Variants in SYN3 observed in about 807,000 individuals in gnomAD.
The protein encoded by SYN3 is synapsin-3.
In SYN3, 35 loss-of-function variants were observed where a neutral mutation model predicts 65.8. The ratio of observed to expected loss-of-function variants is 0.53; its 90% CI spans 0.41 to 0.70. The LOEUF is 0.70. Ranked by LOEUF, SYN3 falls within the 30% of genes least tolerant of loss-of-function variation. SYN3 has a pLI of 0.00. For synonymous variants in SYN3, 270 were observed against 292.9 expected (o/e 0.92, Z 0.80); for missense variants, 680 against 749.0 (o/e 0.91, Z 1.08).
chr22:32,858,362 G>A (rs2048436647), intron 6 of SYN3, among the ~76,000 whole-genome samples: 2 of 152,200 alleles, frequency 1.3e-5, no homozygotes, highest in Admixed American at 1.3e-4. Flanking sequence ...GTAATCGGCT[G>A]CCTCCATGAT....
intron 6 of SYN3, among the ~76,000 whole-genome samples, chr22:32,712,826 G>A (rs1472852683): frequency 6.6e-6 from 1 of 152,038 alleles, no homozygotes; most frequent in South Asian, 2.1e-4. Context: ...CCCTCTGCCT[G>A]GAATGTGCGA....
intron 6 of SYN3, among the ~76,000 whole-genome samples, chr22:32,812,615 A>G (rs776606526): frequency 6.6e-6 from 1 of 152,204 alleles, no homozygotes; most frequent in Non-Finnish European, 1.5e-5. Flanking sequence ...TCCACAGCCT[A>G]CCTGAGCAGT....
At chr22:32,840,539 G>C (rs1379035972) in intron 6 of SYN3, among the ~76,000 whole-genome samples, 4 of 152,180 alleles carry the variant, frequency 2.6e-5, no homozygotes, top group South Asian at 4.2e-4. Flanking sequence ...GCAGTGGGAG[G>C]GGGGTCATCA....
chr22:32,920,628 GT>G (rs2050312059), intron 4 of SYN3, among the ~76,000 whole-genome samples: 1 of 152,176 alleles, frequency 6.6e-6, no homozygotes, highest in Non-Finnish European at 1.5e-5. Flanking sequence ...ATCTGACCTT[GT>G]AAGCAGGGAC....
intron 9 of SYN3, among the ~76,000 whole-genome samples, chr22:32,534,673 G>A (rs2058134049): frequency 1.3e-5 from 2 of 152,164 alleles, no homozygotes; most frequent in Non-Finnish European, 2.9e-5. Context: ...GGAGTCACAG[G>A]GGACTCTGTG....
chr22:32,707,670 T>G (rs1569162759), intron 6 of SYN3, among the ~76,000 whole-genome samples: 2 of 138,382 alleles, frequency 1.4e-5, no homozygotes, highest in East Asian at 2.8e-4. Context: ...GTAACTGGCA[T>G]GAAATGGAGA....
chr22:32,636,765 A>G (rs2059823006), intron 6 of SYN3, among the ~76,000 whole-genome samples: 1 of 152,192 alleles, frequency 6.6e-6, no homozygotes, highest in Non-Finnish European at 1.5e-5. Flanking sequence ...GGAGATTTGG[A>G]CACAGGCTCA....
intron 6 of SYN3, among the ~76,000 whole-genome samples, chr22:32,674,011 G>A (rs1447376077): frequency 1.3e-5 from 2 of 152,236 alleles, no homozygotes; most frequent in Admixed American, 6.5e-5. Flanking sequence ...GGATAAAGGC[G>A]GGGAGGCTGT....
At chr22:33,044,109 T>G (rs982412446) in intron 1 of SYN3, among the ~76,000 whole-genome samples, 3 of 151,394 alleles carry the variant, frequency 2.0e-5, no homozygotes, top group African/African-American at 7.3e-5. Flanking sequence ...TGCAACAACC[T>G]AGCAGTTAGG....
chr22:33,054,046 G>A (rs2054215289), intron 1 of SYN3, among the ~76,000 whole-genome samples: 1 of 152,126 alleles, frequency 6.6e-6, no homozygotes, highest in South Asian at 2.1e-4. Context: ...CGGGAGAGGG[G>A]GTTGGTGTCC....
At chr22:32,676,458 TCA>T (rs1316443375) in intron 6 of SYN3, among the ~76,000 whole-genome samples, 1 of 151,488 alleles carries the variant, frequency 6.6e-6, no homozygotes, top group Non-Finnish European at 1.5e-5. Context: ...GTGCAAAGTC[TCA>T]GTGTAGCCTC....
intron 6 of SYN3, among the ~76,000 whole-genome samples, chr22:32,691,620 G>A (rs1035249390): frequency 1.3e-5 from 2 of 152,080 alleles, no homozygotes; most frequent in South Asian, 4.1e-4. Flanking sequence ...GACTTTGCAG[G>A]GGGTACTCCA....
chr22:32,701,778 G>A (rs2060813440), intron 6 of SYN3, among the ~76,000 whole-genome samples: 1 of 152,126 alleles, frequency 6.6e-6, no homozygotes, highest in African/African-American at 2.4e-5. Flanking sequence ...GTGAGCTGTG[G>A]AACAATAGCA....
At chr22:32,774,454 C>A (rs1285632709) in intron 6 of SYN3, among the ~76,000 whole-genome samples, 1 of 152,132 alleles carries the variant, frequency 6.6e-6, no homozygotes, top group Non-Finnish European at 1.5e-5. Flanking sequence ...GGACCCTCCT[C>A]CCCTCGAGTC....
intron 6 of SYN3, among the ~76,000 whole-genome samples, chr22:32,843,942 T>G (rs368512889): frequency 1.2e-4 from 19 of 152,154 alleles, no homozygotes; most frequent in Admixed American, 2.6e-4. Context: ...TGTGTGTGTG[T>G]GGGGTGGCGG....
chr22:32,601,046 T>C (rs1397125200), intron 6 of SYN3, among the ~76,000 whole-genome samples: 1 of 152,176 alleles, frequency 6.6e-6, no homozygotes, highest in African/African-American at 2.4e-5. Flanking sequence ...AACAGAATTG[T>C]ATATTTGAAC....
chr22:32,868,937 C>T, intron 5 of SYN3, 29 bp downstream of exon 5: 1 of 1,602,666 alleles, frequency 6.2e-7, no homozygotes, highest in Non-Finnish European at 8.5e-7. Context: ...CTCCCAGATC[C>T]CTCCAGGTCA....
At chr22:32,764,465 A>T (rs2045571350) in intron 6 of SYN3, among the ~76,000 whole-genome samples, 1 of 152,140 alleles carries the variant, frequency 6.6e-6, no homozygotes, top group South Asian at 2.1e-4. Flanking sequence ...CAACAGCCTC[A>T]CTGCTGCGGG....
intron 3 of SYN3, among the ~76,000 whole-genome samples, chr22:32,976,259 T>C (rs1212383336): frequency 2.0e-5 from 3 of 152,216 alleles, no homozygotes; most frequent in African/African-American, 7.2e-5. Context: ...TGGGTCGTTC[T>C]GGCTTCCTTC....
Sources: allele counts gnomAD v4.1 joint callset (sites outside exome capture counted in the v4.1 genomes callset), GRCh38; gene constraint gnomAD v4.1.1; transcripts MANE v1.5; gene names NCBI Gene and HGNC (gene_info 2026-07-23, HGNC 2026-07-21).